PAMR1: variants seen among roughly 807,000 people sequenced by gnomAD.
The protein encoded by PAMR1 is peptidase domain containing associated with muscle regeneration 1.
PAMR1 carries 88 observed loss-of-function variants against 81.8 expected under a neutral mutation model. The ratio of observed to expected loss-of-function variants is 1.08; its 90% CI spans 0.91 to 1.28. The LOEUF is 1.28. PAMR1 is among the 50% of genes most tolerant of loss of function. The pLI is 0.00. For missense variants in PAMR1, 935 were observed against 919.7 expected (o/e 1.02, Z -0.21); for synonymous variants, 336 against 345.3 (o/e 0.97, Z 0.30).
At chr11:35,435,302 A>G (rs1216403880) in intron 9 of PAMR1, among the ~76,000 whole-genome samples, 3 of 152,196 alleles carry the variant, frequency 2.0e-5, no homozygotes, top group Non-Finnish European at 4.4e-5. Context: ...GGACACTTTG[A>G]CATATTATCT....
chr11:35,452,660 A>C (rs1048571840), intron 6 of PAMR1, among the ~76,000 whole-genome samples: 3 of 152,202 alleles, frequency 2.0e-5, no homozygotes, highest in African/African-American at 7.2e-5. Context: ...TAATCAGAAA[A>C]TGTGACTGTA....
intron 9 of PAMR1, 21 bp downstream of exon 9, chr11:35,435,882 C>T (rs781387405): frequency 1.9e-6 from 3 of 1,567,594 alleles, no homozygotes; most frequent in African/African-American, 2.7e-5. Context: ...TGCTCAAGCC[C>T]AAGAATGAGC....
intron 8 of PAMR1, 191 bp from the exon 9 acceptor site, chr11:35,436,326 C>T (rs373371860): frequency 1.9e-5 from 11 of 571,084 alleles, no homozygotes; most frequent in Non-Finnish European, 2.8e-5. Context: ...GTCCCTCACT[C>T]CAGGATGGAG....
At chr11:35,458,689 G>A (rs536437164) in intron 6 of PAMR1, among the ~76,000 whole-genome samples, 8 of 152,266 alleles carry the variant, frequency 5.3e-5, no homozygotes, top group African/African-American at 1.4e-4. Context: ...CTTGGCATCC[G>A]CCCATTGTCA....
At chr11:35,518,888 C>T (rs977074490) in intron 1 of PAMR1, among the ~76,000 whole-genome samples, 2 of 152,076 alleles carry the variant, frequency 1.3e-5, no homozygotes, top group African/African-American at 2.4e-5. Flanking sequence ...GTGTCTCACC[C>T]GAGCTAAAGT....
chr11:35,491,222 T>C (rs1238976232), intron 3 of PAMR1, among the ~76,000 whole-genome samples: 2 of 152,202 alleles, frequency 1.3e-5, no homozygotes, highest in Non-Finnish European at 2.9e-5. Context: ...GACCATATAC[T>C]CATCCTTAGC....
At chr11:35,483,060 CACA>C (rs1850430040) in intron 3 of PAMR1, among the ~76,000 whole-genome samples, 1 of 151,912 alleles carries the variant, frequency 6.6e-6, no homozygotes, top group African/African-American at 2.4e-5. Context: ...CTTGCTTGTT[CACA>C]ACAAGAGATC....
intron 6 of PAMR1, among the ~76,000 whole-genome samples, chr11:35,456,734 A>G (rs1035981809): frequency 3.3e-5 from 5 of 152,170 alleles, no homozygotes; most frequent in African/African-American, 1.2e-4. Context: ...CAAACCCTTC[A>G]GTTTGAACAA....
chr11:35,432,792 A>C lies in PAMR1; in HGVS notation c.1727T>G (p.Val576Gly), dbSNP rs1405549247. The change falls in exon 11 of 11, where the codon GTC (valine) becomes GGC (glycine). Residue 576 changes from valine to glycine, a missense_variant. By Grantham distance (109) the Val-to-Gly change is moderately radical. Coordinates refer to ENST00000619888, the MANE Select transcript of PAMR1 (RefSeq NM_001001991.3). ...LLDKARISTR[V>G]QPICLAASRD... is the part of the protein sequence containing the mutation. ...ACTGGCAGCGAGGCAGATGGGCTGGACTCGGGTGCTGATACGGGCCTTGTC... is the reference window on the plus strand; with the variant it reads ...ACTGGCAGCGAGGCAGATGGGCTGGCCTCGGGTGCTGATACGGGCCTTGTC... The C allele has an allele frequency of 6.2e-7, 1 of 1,610,730 alleles. No homozygotes were observed. The highest frequency in any genetic ancestry group is 8.5e-7 in the Non-Finnish European group (1 of 1,179,998).
intron 6 of PAMR1, among the ~76,000 whole-genome samples, chr11:35,460,096 A>G (rs1185571398): frequency 1.3e-5 from 2 of 152,226 alleles, no homozygotes; most frequent in East Asian, 3.8e-4. Flanking sequence ...GGAAGCTTTC[A>G]TTTTCTGACA....
At chr11:35,491,396 G>C (rs141901821) in intron 3 of PAMR1, among the ~76,000 whole-genome samples, 112 of 152,296 alleles carry the variant, frequency 7.4e-4, no homozygotes, top group African/African-American at 2.6e-3. Context: ...GAAGCATATG[G>C]AATAAGTTAG....
At chr11:35,489,046 T>C (rs368887619) in intron 3 of PAMR1, among the ~76,000 whole-genome samples, 74 of 152,176 alleles carry the variant, frequency 4.9e-4, no homozygotes, top group African/African-American at 1.7e-3. Flanking sequence ...TCTTTTCCCA[T>C]CTCCTTCCTG....
chr11:35,511,854 C>T (rs1041793781), intron 1 of PAMR1, among the ~76,000 whole-genome samples: 1 of 152,160 alleles, frequency 6.6e-6, no homozygotes, highest in Non-Finnish European at 1.5e-5. Flanking sequence ...ATGACACCGA[C>T]AAGGCCAAGC....
intron 6 of PAMR1, among the ~76,000 whole-genome samples, chr11:35,444,856 G>A (rs1042133806): frequency 4.3e-4 from 65 of 152,138 alleles, no homozygotes; most frequent in Non-Finnish European, 6.9e-4. Context: ...TTTTAAAATA[G>A]TTTTTTCTAA....
rs1210040084 is a variant in PAMR1, at chr11:35,525,592, C to T, written c.-7G>A. ...TCCAGCAACCCAGCTCCATCCTTGC[C>T]GCGGCTGGTGCCCGAGCGTCTACTG... On this transcript the variant is annotated 5_prime_UTR_variant, in exon 1 of 11. Transcript: ENST00000619888. 1 of 1,613,498 alleles carries T rather than the reference C, an allele frequency of 6.2e-7. No homozygotes were observed. Among genetic ancestry groups the T allele is most frequent in the South Asian group, 1.1e-5 (1 of 90,930 alleles).
intron 1 of PAMR1, among the ~76,000 whole-genome samples, chr11:35,520,365 G>C (rs769862209): frequency 6.6e-6 from 1 of 152,176 alleles, no homozygotes; most frequent in Non-Finnish European, 1.5e-5. Flanking sequence ...TGCCTTCCTT[G>C]AGCAGTTCTG....
At chr11:35,486,476 A>G (rs1258755316) in intron 3 of PAMR1, among the ~76,000 whole-genome samples, 1 of 152,230 alleles carries the variant, frequency 6.6e-6, no homozygotes, top group African/African-American at 2.4e-5. Flanking sequence ...TTCAAGAAAT[A>G]TCTTTTGACT....
upstream of PAMR1, among the ~76,000 whole-genome samples, chr11:35,528,613 C>CTTTTTT (rs58265525): frequency 2.3e-3 from 356 of 151,978 alleles, no homozygotes; most frequent in African/African-American, 7.7e-3. Context: ...TCTGTTTTTT[C>CTTTTTT]TTTTTTTTGT....
At chr11:35,513,312 C>G (rs1406110622) in intron 1 of PAMR1, 1 of 152,140 alleles carries the variant, frequency 6.6e-6, no homozygotes, top group Non-Finnish European at 1.5e-5. Flanking sequence ...AGCATAGGGA[C>G]AATTAACACT....
Sources: allele counts gnomAD v4.1 joint callset (sites outside exome capture counted in the v4.1 genomes callset), GRCh38; gene constraint gnomAD v4.1.1; transcripts MANE v1.5; gene names NCBI Gene and HGNC (gene_info 2026-07-23, HGNC 2026-07-21).